Variants in ADAM15 observed in about 807,000 individuals in gnomAD.
ADAM15 encodes ADAM metallopeptidase domain 15.
In ADAM15, 77 loss-of-function variants were observed where a neutral mutation model predicts 113.8. That is an observed-to-expected ratio of 0.68 (90% CI 0.56 to 0.82). ADAM15 has a LOEUF of 0.82. Among genes scored for constraint, ADAM15 ranks in the 40% least tolerant of loss-of-function variants. ADAM15 has a pLI of 0.00. For synonymous variants in ADAM15, 388 were observed against 454.1 expected, an observed-to-expected ratio of 0.85 and a Z score of 1.85; for missense variants, 963 against 1,120.1, an observed-to-expected ratio of 0.86 and a Z score of 2.00.
intron 19 of ADAM15, 99 bp downstream of exon 19, chr1:155,060,931 G>A: frequency 8.5e-7 from 1 of 1,171,812 alleles, no homozygotes; most frequent in Non-Finnish European, 1.2e-6. Context: ...TCAGAGAAAG[G>A]CTAGCACTGC....
At chr1:155,059,995 A>G (rs1334729301) in intron 17 of ADAM15, 21 bp downstream of exon 17, 16 of 1,613,290 alleles carry the variant, frequency 9.9e-6, no homozygotes, top group Non-Finnish European at 1.4e-5. Flanking sequence ...GGTGGGGGAC[A>G]GGGGCAGCTG....
intron 16 of ADAM15, 71 bp from the exon 17 acceptor site, chr1:155,059,831 C>T: frequency 6.6e-7 from 1 of 1,520,172 alleles, no homozygotes; most frequent in South Asian, 1.1e-5. Flanking sequence ...AATCTGAGAT[C>T]TTGAAAAGCT....
chr1:155,058,235 C>G lies in ADAM15; in HGVS notation c.1722-11C>G. ...CCTACTAACTCTGTGTGCCCTTCCC[C>G]CTCCCCACAGAGATGCCATTTGTGG... On this transcript the variant is annotated splice_polypyrimidine_tract_variant and intron_variant, in intron 14 of 22. Coordinates refer to ENST00000356955, the MANE Select transcript of ADAM15 (RefSeq NM_207197.3). The surrounding 1 kb of genome is among the most constrained non-coding windows in gnomAD (Gnocchi z 4.3). 6 of 1,613,974 alleles carry G rather than the reference C, an allele frequency of 3.7e-6. No individual in the cohort carries two copies. The Admixed American group carries it at 1.0e-4, about 27-fold the overall frequency.
chr1:155,054,497 C>T lies in ADAM15; in HGVS notation c.603C>T (p.His201=), dbSNP rs1661504218. ...KPPEHPLGQR[H]IRRRRDVVTE... ...CAGAGCACCCCCTGGGACAGCGCCA[C>T]ATTCGCCGGGTGAGGATGAATGGCA... The change falls in exon 6 of 23, where the codon CAC becomes CAT. Residue 201 remains histidine, a synonymous_variant. Coordinates refer to ENST00000356955, the MANE Select transcript of ADAM15 (RefSeq NM_207197.3). 6.4e-7 allele frequency: 1 copy of T among 1,571,816 alleles called. No individual in the cohort carries two copies. Among genetic ancestry groups the T allele is most frequent in the Non-Finnish European group, 8.6e-7 (1 of 1,156,200 alleles).
Position 155,059,974 on chromosome 1 carries a change from G to C in ADAM15, c.2068G>C (p.Ala690Pro), listed in dbSNP as rs150138729. The C allele has an allele frequency of 6.2e-7, 1 of 1,613,932 alleles. No homozygotes were observed. The highest frequency in any genetic ancestry group is 8.5e-7 in the Non-Finnish European group (1 of 1,179,964). The change falls in exon 17 of 23, where the codon GCA becomes CCA. Residue 690 changes from alanine (A) to proline (P), a missense_variant and splice_region_variant. Physicochemically the swap from Ala to Pro is conservative, Grantham distance 27 (BLOSUM62 -1). Coordinates refer to ENST00000356955, the MANE Select transcript of ADAM15 (RefSeq NM_207197.3). ...CCCTGACTGCACCACTCAGCTCAAA[G>C]GTAGCATGGGGGTGGGGGACAGGGG... Reference protein sequence around the residue: ...APPDCTTQLKATSSLTTGLLL... With the variant: ...APPDCTTQLKPTSSLTTGLLL...
intron 6 of ADAM15, chr1:155,055,453 CCT>C: frequency 8.9e-6 from 3 of 337,144 alleles, no homozygotes; most frequent in South Asian, 2.6e-5. Flanking sequence ...GTCTCGATCT[CCT>C]GACCTCATGA....
chr1:155,052,616 C>G, intron 1 of ADAM15, 55 bp from the exon 2 acceptor site: 1 of 1,557,916 alleles, frequency 6.4e-7, no homozygotes, highest in Non-Finnish European at 8.7e-7. Flanking sequence ...CCTGTCACCC[C>G]CAGCCCTGCT....
At chr1:155,060,978 C>T (rs1662499371) in intron 19 of ADAM15, 146 bp downstream of exon 19, 1 of 745,364 alleles carries the variant, frequency 1.3e-6, no homozygotes, top group African/African-American at 1.8e-5. Flanking sequence ...CCAGCCCTGC[C>T]CTCCCCTCCC....
rs1332319993 is a variant in ADAM15, at chr1:155,058,091, C to T, written c.1657C>T (p.Arg553Trp). The change falls in exon 14 of 23, where the codon CGG (arginine) becomes TGG (tryptophan). Residue 553 changes from arginine (R) to tryptophan (W), a missense_variant. Arg to Trp is a moderately radical substitution (Grantham distance 101). Transcript: ENST00000356955. The surrounding 1 kb of genome is among the most constrained non-coding windows in gnomAD (Gnocchi z 4.3). ...APLCLQTANT[R>W]GNAFGSCGRN... is the part of the protein sequence containing the mutation. ...ACTTTGCCTCCAGACAGCTAATACTCGGGGAAATGCTTTTGGGAGCTGTGG... is the reference window on the plus strand; with the variant it reads ...ACTTTGCCTCCAGACAGCTAATACTTGGGGAAATGCTTTTGGGAGCTGTGG... The T allele has an allele frequency of 6.8e-6, 11 of 1,614,052 alleles. No homozygotes were observed. Among genetic ancestry groups the T allele is most frequent in the East Asian group, 2.2e-5 (1 of 44,888 alleles).
At position 155,056,579 on chromosome 1, in the gene ADAM15, G is replaced by C. The variant is rs537825477; in HGVS notation, c.999+109G>C. 9.4e-7 allele frequency: 1 copy of C among 1,059,932 alleles called. No homozygotes were observed. The highest frequency in any genetic ancestry group is 1.6e-5 in the African/African-American group (1 of 63,890). 65.7% of individuals were successfully genotyped at this position (1,059,932 alleles called of 1,614,324 possible). On this transcript the variant is annotated intron_variant, in intron 10 of 22. Coordinates refer to ENST00000356955, the MANE Select transcript of ADAM15 (RefSeq NM_207197.3). The surrounding 1 kb of genome is among the most constrained non-coding windows in gnomAD (Gnocchi z 4.0). ...AAAGTTGCCCAACCCCAAAGCTACAGGTATAGAGGGTGGAGGTACGTGATG... is the reference window on the plus strand; with the variant it reads ...AAAGTTGCCCAACCCCAAAGCTACACGTATAGAGGGTGGAGGTACGTGATG...
chr1:155,060,056 T>C (rs1483553479), intron 17 of ADAM15, 82 bp downstream of exon 17: 2 of 1,584,744 alleles, frequency 1.3e-6, no homozygotes, highest in African/African-American at 2.7e-5. Flanking sequence ...CCTCTCTTTC[T>C]GACCCCCCTT....
At chr1:155,059,351 G>A (rs190138266) in intron 16 of ADAM15, among the ~76,000 whole-genome samples, 73 of 152,216 alleles carry the variant, frequency 4.8e-4, no homozygotes, top group Admixed American at 3.3e-3. Flanking sequence ...ATAGGGGTGA[G>A]CCACTGCACC....
In ADAM15 at chr1:155,062,006, T is replaced by A; in HGVS notation, c.2424+31T>A. 6.6e-7 allele frequency: 1 copy of A among 1,520,000 alleles called. No homozygotes were observed. Among genetic ancestry groups the A allele is most frequent in the Non-Finnish European group, 8.8e-7 (1 of 1,133,394 alleles). 94.2% of individuals were successfully genotyped at this position (1,520,000 alleles called of 1,614,324 possible). ...GGTGGGGGGAGAGAAGGGCACGGCCTCTCCCCCCACCTAGGGCTGTGGTGC... is the reference window on the plus strand; with the variant it reads ...GGTGGGGGGAGAGAAGGGCACGGCCACTCCCCCCACCTAGGGCTGTGGTGC... On this transcript the variant is annotated intron_variant, in intron 21 of 22. Transcript: ENST00000356955. This position sits in a 1 kb window ranked among gnomAD's most constrained non-coding sequence, Gnocchi z 7.0.
rs370479709 is a variant in ADAM15, at chr1:155,058,182, T to C, written c.1721+27T>C. 18 of 1,611,254 alleles carry C rather than the reference T, an allele frequency of 1.1e-5. No individual in the cohort carries two copies. In the African/African-American group the frequency reaches 2.1e-4, roughly 19 times the overall value. On this transcript the variant is annotated intron_variant, in intron 14 of 22. Coordinates refer to ENST00000356955, the MANE Select transcript of ADAM15 (RefSeq NM_207197.3). The surrounding 1 kb of genome is among the most constrained non-coding windows in gnomAD (Gnocchi z 4.3). ...TAAGTGAGGAAACCTGGCTCCTCCTTTGGGTTTCTGAGAGCCTTGGCCCTG... is the reference window on the plus strand; with the variant it reads ...TAAGTGAGGAAACCTGGCTCCTCCTCTGGGTTTCTGAGAGCCTTGGCCCTG...
rs1223781419 is a variant in ADAM15 at position 155,060,777 on chromosome 1, G to T, written c.2222G>T (p.Gly741Val). 5.0e-6 allele frequency: 8 copies of T among 1,613,608 alleles called. No homozygotes were observed. The highest frequency in any genetic ancestry group is 6.8e-6 in the Non-Finnish European group (8 of 1,179,996). ...CTCATGCATAGGGCAGCCCAATCTGGTCCCTCTGAACGGCCAGGACCTCCG... is the reference window on the plus strand; with the variant it reads ...CTCATGCATAGGGCAGCCCAATCTGTTCCCTCTGAACGGCCAGGACCTCCG... Reference protein sequence around the residue: ...PTCQYRAAQSGPSERPGPPQR... With the variant: ...PTCQYRAAQSVPSERPGPPQR... Residue 741 changes from glycine to valine, a missense_variant, in exon 19 of 23, where the codon GGT (glycine) becomes GTT (valine). Coordinates refer to ENST00000356955, the MANE Select transcript of ADAM15 (RefSeq NM_207197.3).
Position 155,051,412 on chromosome 1 carries a change from TG to T in ADAM15, c.30del (p.Leu11SerfsTer16). On this transcript the variant is annotated frameshift_variant, in exon 1 of 23. Transcript: ENST00000356955. LOFTEE classifies it high-confidence loss of function. MRLALLWA[L>X]GLLGAGSPLP... ...ATGCGGCTGGCGCTGCTCTGGGCCC[TG>T]GGGCTCCTGGGCGCGGGCAGCCCTC... 1 of 1,559,098 alleles carries T rather than the reference TG, an allele frequency of 6.4e-7. No homozygotes were observed. The highest frequency in any genetic ancestry group is 8.6e-7 in the Non-Finnish European group (1 of 1,157,756).
At chr1:155,061,723 A>G in intron 20 of ADAM15, 181 bp from the exon 21 acceptor site, 1 of 815,690 alleles carries the variant, frequency 1.2e-6, no homozygotes, top group Non-Finnish European at 1.9e-6. Context: ...ACTGCGGTTG[A>G]CCTACACCTT....
At chr1:155,061,999 C>T (rs1558135263) in intron 21 of ADAM15, 24 bp downstream of exon 21, 1 of 1,538,742 alleles carries the variant, frequency 6.5e-7, no homozygotes, top group South Asian at 1.2e-5. Context: ...GAGAGAAGGG[C>T]ACGGCCTCTC....
chr1:155,059,171 A>G (rs1662205360), intron 16 of ADAM15, among the ~76,000 whole-genome samples: 1 of 152,066 alleles, frequency 6.6e-6, no homozygotes, highest in Admixed American at 6.5e-5. Context: ...AGGCTCAAAC[A>G]TTACTCATGT....
Sources: gnomAD v4.1 joint callset for allele counts (sites outside exome capture counted in the v4.1 genomes callset) on GRCh38, gnomAD v4.1.1 for gene constraint, Gnocchi (gnomAD v3.1) non-coding constraint, MANE v1.5 for transcripts, NCBI Gene and HGNC (gene_info 2026-07-23, HGNC 2026-07-21) for gene names.